The following CRPPA variants were observed in gnomAD, a reference collection of about 807,000 sequenced individuals.
CRPPA encodes D-ribitol-5-phosphate cytidylyltransferase.
In CRPPA, 43 loss-of-function variants were observed where a neutral mutation model predicts 52.0. That is an observed-to-expected ratio of 0.83 (90% CI 0.65 to 1.07). The LOEUF (loss-of-function observed/expected upper bound fraction) is 1.07, where lower values mean the gene tolerates loss of function less well. CRPPA is among the 50% of genes least tolerant of loss of function. The probability of loss-of-function intolerance (pLI) is 0.00; values close to 1 mark genes in which losing one functional copy is unlikely to be tolerated. For synonymous variants in CRPPA, 250 were observed against 203.5 expected, an observed-to-expected ratio of 1.23 and a Z score of -1.94; for missense variants, 629 against 551.7, an observed-to-expected ratio of 1.14 and a Z score of -1.40.
Position 16,111,744 on chromosome 7 carries a change from T to C in CRPPA, c.1252-19945A>G, listed in dbSNP as rs549944770. On this transcript the variant is annotated intron_variant, in intron 9 of 9. Transcript: ENST00000407010. ...AATTAGAAGCAGAGTAGAATTGTGG[T>C]TCCAAAAGATGGGGTTAGGGGAATG... Among the ~76,000 whole-genome samples the C allele has an allele frequency of 1.2e-4, 18 of 152,274 alleles. No homozygotes were observed. In the South Asian group the frequency reaches 3.7e-3, roughly 32 times the overall value.
intron 8 of CRPPA, among the ~76,000 whole-genome samples, chr7:16,223,481 T>A (rs2128400853): frequency 6.6e-6 from 1 of 152,270 alleles, no homozygotes; most frequent in African/African-American, 2.4e-5. Flanking sequence ...CATGAAGAAG[T>A]AGATGCATCT....
chr7:16,194,423 A>G (rs890832626), intron 9 of CRPPA, among the ~76,000 whole-genome samples: 3 of 152,126 alleles, frequency 2.0e-5, no homozygotes, highest in Non-Finnish European at 4.4e-5. Context: ...CTTAATATCC[A>G]TATGCCTTTG....
At chr7:16,339,425 T>C (rs1423766499) in intron 3 of CRPPA, among the ~76,000 whole-genome samples, 1 of 151,910 alleles carries the variant, frequency 6.6e-6, no homozygotes, top group South Asian at 2.1e-4. Context: ...GTAATAACAA[T>C]AAGCTGAAGG....
At chr7:16,152,923 C>CA (rs778928463) in intron 9 of CRPPA, among the ~76,000 whole-genome samples, 11 of 151,846 alleles carry the variant, frequency 7.2e-5, no homozygotes, top group Non-Finnish European at 1.6e-4. Context: ...TTAGGGGGCT[C>CA]AATGTATTTT....
intron 9 of CRPPA, among the ~76,000 whole-genome samples, chr7:16,205,464 G>T (rs1381394397): frequency 1.3e-5 from 2 of 152,142 alleles, no homozygotes; most frequent in African/African-American, 4.8e-5. Flanking sequence ...CACCAGTTGT[G>T]TTTATGCAGT....
At chr7:16,405,683 C>G (rs1404543061) in intron 2 of CRPPA, among the ~76,000 whole-genome samples, 1 of 152,052 alleles carries the variant, frequency 6.6e-6, no homozygotes, top group African/African-American at 2.4e-5. Context: ...GAAAACAAAC[C>G]ACTTCGAAAC....
At chr7:16,128,598 T>C (rs1285776157) in intron 9 of CRPPA, among the ~76,000 whole-genome samples, 2 of 152,178 alleles carry the variant, frequency 1.3e-5, no homozygotes, top group Non-Finnish European at 2.9e-5. Flanking sequence ...AGCTGAACTT[T>C]GGCCAGAATA....
intron 3 of CRPPA, among the ~76,000 whole-genome samples, chr7:16,343,211 T>TA (rs202241577): frequency 2.9e-4 from 44 of 151,764 alleles, no homozygotes; most frequent in Admixed American, 2.6e-4. Flanking sequence ...CATTTTTTTT[T>TA]AAATAAATCT....
intron 3 of CRPPA, among the ~76,000 whole-genome samples, chr7:16,365,380 G>C (rs987959243): frequency 1.1e-4 from 17 of 152,170 alleles, no homozygotes; most frequent in Admixed American, 5.9e-4. Flanking sequence ...ATAATGGCCA[G>C]ATTTGTAATC....
intron 3 of CRPPA, among the ~76,000 whole-genome samples, chr7:16,369,717 A>G (rs1010431762): frequency 9.2e-5 from 14 of 152,184 alleles, no homozygotes; most frequent in Admixed American, 9.2e-4. Context: ...TATTAGCGTG[A>G]CTAGCTCACT....
intron 6 of CRPPA, chr7:16,269,188 T>C (rs1784029802): frequency 6.6e-6 from 1 of 152,052 alleles, no homozygotes; most frequent in African/African-American, 2.4e-5. Flanking sequence ...CACAGCACTG[T>C]GTGAGGGATC....
chr7:16,189,139 C>G (rs1395520039), intron 9 of CRPPA, among the ~76,000 whole-genome samples: 3 of 152,088 alleles, frequency 2.0e-5, no homozygotes, highest in Non-Finnish European at 4.4e-5. Flanking sequence ...TTTCCTCTCT[C>G]TGATTGTTAC....
At chr7:16,248,503 A>G (rs1362319441) in intron 8 of CRPPA, among the ~76,000 whole-genome samples, 1 of 152,186 alleles carries the variant, frequency 6.6e-6, no homozygotes, top group Non-Finnish European at 1.5e-5. Flanking sequence ...CTTACAGAGA[A>G]TGCGCTTCTG....
intron 9 of CRPPA, among the ~76,000 whole-genome samples, chr7:16,123,083 T>C (rs963249124): frequency 6.6e-6 from 1 of 152,078 alleles, no homozygotes; most frequent in Admixed American, 6.6e-5. Flanking sequence ...CAAAAGCCGA[T>C]GCAAAGAACT....
At chr7:16,187,909 T>C (rs1213172362) in intron 9 of CRPPA, among the ~76,000 whole-genome samples, 1 of 151,988 alleles carries the variant, frequency 6.6e-6, no homozygotes, top group Non-Finnish European at 1.5e-5. Context: ...TGATGATGAA[T>C]AAAACATCCT....
chr7:16,240,105 G>T (rs1783065335), intron 8 of CRPPA, among the ~76,000 whole-genome samples: 2 of 151,322 alleles, frequency 1.3e-5, no homozygotes, highest in African/African-American at 2.4e-5. Flanking sequence ...CATAAGCAAA[G>T]ATCTCCTAAA....
At chr7:16,412,219 T>C (rs1788090784) in intron 1 of CRPPA, among the ~76,000 whole-genome samples, 3 of 152,186 alleles carry the variant, frequency 2.0e-5, no homozygotes, top group Admixed American at 2.0e-4. Context: ...TTTCTCAAAC[T>C]GCCAATTTCG....
intron 9 of CRPPA, among the ~76,000 whole-genome samples, chr7:16,187,721 A>C (rs1392022546): frequency 3.3e-5 from 5 of 152,184 alleles, no homozygotes. Flanking sequence ...CAAATTTGGT[A>C]ATTTTGAGGG....
rs376049426 is a variant in CRPPA at position 16,113,275 on chromosome 7, A to C, written c.1252-21476T>G. Among the ~76,000 whole-genome samples, 48 of 152,208 alleles carry C rather than the reference A, an allele frequency of 3.2e-4. 1 individual carries two copies. The East Asian group carries it at 4.6e-3, about 15-fold the overall frequency. ...GGAGAAATAATTAAGGAAATTACTCAGAATATATATTAGACAATGAAATGG... is the reference window on the plus strand; with the variant it reads ...GGAGAAATAATTAAGGAAATTACTCCGAATATATATTAGACAATGAAATGG... On this transcript the variant is annotated intron_variant, in intron 9 of 9. Coordinates refer to ENST00000407010, the MANE Select transcript of CRPPA (RefSeq NM_001101426.4).
Sources: allele counts gnomAD v4.1 joint callset (sites outside exome capture counted in the v4.1 genomes callset), GRCh38; gene constraint gnomAD v4.1.1; transcripts MANE v1.5; gene names NCBI Gene and HGNC (gene_info 2026-07-23, HGNC 2026-07-21).